The following USP15 variants were observed in gnomAD, a reference collection of about 807,000 sequenced individuals.
The protein encoded by USP15 is ubiquitin carboxyl-terminal hydrolase 15.
In USP15, 18 loss-of-function variants were observed where a neutral mutation model predicts 127.1. The observed-to-expected ratio is 0.14, with a 90% CI of 0.10 to 0.21. The LOEUF (loss-of-function observed/expected upper bound fraction) is 0.21. Ranked by LOEUF, USP15 falls within the 10% of genes least tolerant of loss-of-function variation. The pLI is 1.00. For synonymous variants in USP15, 364 were observed against 393.7 expected (o/e 0.92, Z 0.89); for missense variants, 805 against 1,159.9 (o/e 0.69, Z 4.44).
At chr12:62,321,798 T>A (rs1000800404) in intron 5 of USP15, among the ~76,000 whole-genome samples, 189 bp downstream of exon 5, 1 of 152,214 alleles carries the variant, frequency 6.6e-6, no homozygotes, top group South Asian at 2.1e-4. Context: ...GGGAATAATC[T>A]ACTTGTTAAA....
chr12:62,374,862 A>G (rs2066775387), intron 8 of USP15, among the ~76,000 whole-genome samples: 1 of 152,138 alleles, frequency 6.6e-6, no homozygotes, highest in African/African-American at 2.4e-5. Flanking sequence ...AATGCATTGC[A>G]TCTTTCCAAG....
chr12:62,391,702 G>A (rs2067329928), intron 16 of USP15, 114 bp from the exon 17 acceptor site: 1 of 1,018,322 alleles, frequency 9.8e-7, no homozygotes, highest in Non-Finnish European at 1.4e-6. Flanking sequence ...CTAATCACCA[G>A]TACAAGTAGA....
Position 62,332,044 on chromosome 12 carries a change from G to C in USP15, c.683+6111G>C, listed in dbSNP as rs150596550. On this transcript the variant is annotated intron_variant, in intron 6 of 21. Transcript: ENST00000280377. Reference sequence around the variant, plus strand: ...GCCAGGGGTGGTGGCGGCGCCTGTAGTCCCAGCTACTCGGGAGGCTGAGGC... The same window carrying C: ...GCCAGGGGTGGTGGCGGCGCCTGTACTCCCAGCTACTCGGGAGGCTGAGGC... Among the ~76,000 whole-genome samples the C allele has an allele frequency of 4.5e-3, 691 of 151,906 alleles. 4 individuals are homozygous for C. The highest frequency in any genetic ancestry group is 0.016 in the African/African-American group (665 of 41,432).
chr12:62,278,967 G>T (rs1403630746), intron 1 of USP15: 1 of 152,096 alleles, frequency 6.6e-6, no homozygotes, highest in East Asian at 1.9e-4. Context: ...AAAATCTTAA[G>T]TCACACCGTA....
chr12:62,404,415 G>A lies in USP15; in HGVS notation c.*40G>A. On this transcript the variant is annotated 3_prime_UTR_variant, in exon 22 of 22. Coordinates refer to ENST00000280377, the MANE Select transcript of USP15 (RefSeq NM_001252078.2). ...GCCATAAAAGAGACACTTTCCTGCT[G>A]GTGGTATCTATGGAAATGATGAAGT... 1 of 1,506,184 alleles carries A rather than the reference G, an allele frequency of 6.6e-7. No individual in the cohort carries two copies. Among genetic ancestry groups the A allele is most frequent in the Non-Finnish European group, 8.9e-7 (1 of 1,123,706 alleles). The allele number at this position is 1,506,184 out of a possible 1,614,324, so 93.3% of individuals were successfully genotyped here. A position where few individuals can be genotyped will look rare whatever the true frequency, so the allele number is the denominator to read the frequency against.
intron 1 of USP15, among the ~76,000 whole-genome samples, chr12:62,268,485 G>A (rs973869081): frequency 1.3e-5 from 2 of 152,108 alleles, no homozygotes; most frequent in Non-Finnish European, 2.9e-5. Flanking sequence ...TTTTAGCCTT[G>A]TAGTCTCAGC....
chr12:62,386,675 G>A (rs921963820), intron 11 of USP15, among the ~76,000 whole-genome samples: 8 of 152,102 alleles, frequency 5.3e-5, no homozygotes, highest in African/African-American at 1.9e-4. Context: ...GCAAGCAGGA[G>A]CTAGATCACG....
chr12:62,388,813 T>TA (rs2067235999), intron 11 of USP15, among the ~76,000 whole-genome samples: 9 of 152,246 alleles, frequency 5.9e-5, no homozygotes, highest in Admixed American at 3.9e-4. Context: ...AAGTAGTGGT[T>TA]AGACAGTAAC....
intron 8 of USP15, among the ~76,000 whole-genome samples, chr12:62,371,702 C>G (rs1402469636): frequency 6.6e-6 from 1 of 152,098 alleles, no homozygotes; most frequent in Non-Finnish European, 1.5e-5. Flanking sequence ...CACTTTCACA[C>G]CCACAATAAA....
In USP15 at chr12:62,288,919, T is replaced by C. The variant is rs983233086; in HGVS notation, c.90-5260T>C. Among the ~76,000 whole-genome samples the C allele has an allele frequency of 2.0e-5, 3 of 152,286 alleles. No individual in the cohort carries two copies. In the East Asian group the frequency reaches 5.8e-4, roughly 29 times the overall value. Reference sequence around the variant, plus strand: ...TTGATTTGCATATGTTGAACTTCCTTTGCGTGCCTGGAGTAAAACCCACTT... The same window carrying C: ...TTGATTTGCATATGTTGAACTTCCTCTGCGTGCCTGGAGTAAAACCCACTT... On this transcript the variant is annotated intron_variant, in intron 1 of 21. Transcript: ENST00000280377.
chr12:62,317,564 A>T (rs2137263746), intron 4 of USP15, among the ~76,000 whole-genome samples: 1 of 152,298 alleles, frequency 6.6e-6, no homozygotes, highest in East Asian at 1.9e-4. Context: ...TGAAACACAG[A>T]ATTTACATAA....
intron 1 of USP15, among the ~76,000 whole-genome samples, chr12:62,270,281 A>G (rs1326357232): frequency 2.0e-5 from 3 of 151,950 alleles, no homozygotes; most frequent in Non-Finnish European, 2.9e-5. Context: ...TTAAATAGTT[A>G]ATTTACAAAT....
At chr12:62,289,697 T>TTGTGTCTG (rs2063898877) in intron 1 of USP15, among the ~76,000 whole-genome samples, 1 of 135,430 alleles carries the variant, frequency 7.4e-6, no homozygotes, top group South Asian at 2.5e-4. Flanking sequence ...GGTTGTTAAT[T>TTGTGTCTG]TGTGTGTGTG....
intron 8 of USP15, among the ~76,000 whole-genome samples, chr12:62,369,517 C>T (rs1415691702): frequency 2.7e-5 from 4 of 150,602 alleles, no homozygotes; most frequent in African/African-American, 7.3e-5. Context: ...TGCCAGCTGT[C>T]GATGCTTTTT....
chr12:62,274,642 A>G lies in USP15; in HGVS notation c.89+14139A>G, dbSNP rs1199675964. Among the ~76,000 whole-genome samples, 5 of 151,394 alleles carry G rather than the reference A, an allele frequency of 3.3e-5. No homozygotes were observed. In the East Asian group the frequency reaches 5.8e-4, roughly 18 times the overall value. ...CCTGTGCAAGAGTAAGACCACCTCA[A>G]ACAAACAAACAGATAAATAAATGAA... On this transcript the variant is annotated intron_variant, in intron 1 of 21. Coordinates refer to ENST00000280377, the MANE Select transcript of USP15 (RefSeq NM_001252078.2).
chr12:62,389,880 G>A lies in USP15; in HGVS notation c.1736G>A (p.Ser579Asn). 6.2e-7 allele frequency: 1 copy of A among 1,613,864 alleles called. No individual in the cohort carries two copies. The highest frequency in any genetic ancestry group is 8.5e-7 in the Non-Finnish European group (1 of 1,179,880). Residue 579 changes from serine to asparagine, a missense_variant, in exon 14 of 22, where the codon AGT becomes AAT. Physicochemically the swap from Ser to Asn is conservative, Grantham distance 46 (BLOSUM62 1). Transcript: ENST00000280377. ...VCLREKFRHSSYTHHTGSSLF... is the reference protein window; with the variant it reads ...VCLREKFRHSNYTHHTGSSLF... ...CTAAGAGAAAAATTCAGACACTCGA[G>A]TTATACCCACCATACTGGTTCTTCA...
chr12:62,326,140 A>T (rs984919074), intron 6 of USP15, among the ~76,000 whole-genome samples: 4 of 152,184 alleles, frequency 2.6e-5, no homozygotes, highest in African/African-American at 9.6e-5. Flanking sequence ...CAATTCAAAT[A>T]TCTTAAGGCA....
chr12:62,304,015 T>C (rs2064402546), intron 3 of USP15, among the ~76,000 whole-genome samples: 1 of 151,354 alleles, frequency 6.6e-6, no homozygotes, highest in African/African-American at 2.5e-5. Context: ...ATTTCATTCC[T>C]AGGATAAAGG....
At chr12:62,357,295 A>G (rs1044385803) in intron 8 of USP15, among the ~76,000 whole-genome samples, 2 of 152,036 alleles carry the variant, frequency 1.3e-5, no homozygotes, top group Non-Finnish European at 2.9e-5. Flanking sequence ...GTTAACTGCA[A>G]TTTCTCAGAA....
Sources: gnomAD v4.1 joint callset for allele counts (sites outside exome capture counted in the v4.1 genomes callset) on GRCh38, gnomAD v4.1.1 for gene constraint, MANE v1.5 for transcripts, NCBI Gene and HGNC (gene_info 2026-07-23, HGNC 2026-07-21) for gene names.